Variants in MBD6 observed in about 807,000 individuals in gnomAD.
MBD6 encodes methyl-CpG binding domain protein 6.
A neutral mutation model predicts 66.8 loss-of-function variants in MBD6; 22 were observed. That is an observed-to-expected ratio of 0.33 (90% CI 0.24 to 0.47). MBD6 has a LOEUF of 0.47. MBD6 is among the 20% of genes least tolerant of loss of function. The pLI is 1.00. For synonymous variants in MBD6, 540 were observed against 534.6 expected (o/e 1.01, Z -0.14); for missense variants, 1,322 against 1,286.9 (o/e 1.03, Z -0.42).
At position 57,528,318 on chromosome 12, in the gene MBD6, A is replaced by G. The variant is rs767836639; in HGVS notation, c.2578A>G (p.Arg860Gly). The G allele has an allele frequency of 6.2e-7, 1 of 1,607,680 alleles. No homozygotes were observed. Among genetic ancestry groups the G allele is most frequent in the Non-Finnish European group, 8.5e-7 (1 of 1,176,890 alleles). ...TGRGSGKRGR[R>G]GGGGLRGING... Reference sequence around the variant, plus strand: ...GAGGGGGTCAGGGAAACGGGGCCGGAGGGGAGGAGGGGGACTTAGGGGCAT... The same window carrying G: ...GAGGGGGTCAGGGAAACGGGGCCGGGGGGGAGGAGGGGGACTTAGGGGCAT... The change falls in exon 10 of 13, where the codon AGG (arginine) becomes GGG (glycine). Residue 860 changes from arginine to glycine, a missense_variant. By Grantham distance (125) the Arg-to-Gly change is moderately radical (BLOSUM62 -2). Coordinates refer to ENST00000355673, the MANE Select transcript of MBD6 (RefSeq NM_052897.4).
rs1879316409 is a variant in MBD6, at chr12:57,529,019, TGTTTGGGTGGATGGG to T, written c.2937+11_2937+25del. On this transcript the variant is annotated intron_variant, in intron 12 of 12. Coordinates refer to ENST00000355673, the MANE Select transcript of MBD6 (RefSeq NM_052897.4). ...CAGCCCTACAGCCCGAGTAAGTGTG[TGTTTGGGTGGATGGG>T]TGGATGGGTAGGGTGTAAGGGATGA... is the stretch of plus-strand genomic sequence containing the variant. 1.2e-6 allele frequency: 2 copies of T among 1,613,682 alleles called. No individual in the cohort carries two copies. Among genetic ancestry groups the T allele is most frequent in the Middle Eastern group, 3.3e-4 (2 of 6,062 alleles).
Position 57,525,923 on chromosome 12 carries a change from C to T in MBD6, c.955C>T (p.Leu319Phe). 6.2e-7 allele frequency: 1 copy of T among 1,613,490 alleles called. No homozygotes were observed. Among genetic ancestry groups the T allele is most frequent in the Non-Finnish European group, 8.5e-7 (1 of 1,179,704 alleles). ...TVEGPGAPPF[L>F]ASSLLSAAAK... The stretch of plus-strand genomic sequence containing the variant: ...GGAGGGGCCTGGGGCACCCCCCTTC[C>T]TTGCTAGCAGCCTACTCTCTGCAGC... Residue 319 changes from leucine to phenylalanine, a missense_variant, in exon 6 of 13, where the codon CTT (leucine) becomes TTT (phenylalanine). Leu to Phe is a conservative substitution (Grantham distance 22). Coordinates refer to ENST00000355673, the MANE Select transcript of MBD6 (RefSeq NM_052897.4).
At chr12:57,530,659 T>G, downstream of MBD6, 1 of 1,565,264 alleles carries the variant, frequency 6.4e-7, no homozygotes, top group Non-Finnish European at 8.8e-7. Context: ...GGGGTAGGGA[T>G]AACCCCTGTT....
chr12:57,529,561 C>G lies in MBD6; in HGVS notation c.*327C>G. ...TTTATTTGTTTAAGTTATTTTTGCACAAATGACTCTTTTATATTTAATTCG... is the reference window on the plus strand; with the variant it reads ...TTTATTTGTTTAAGTTATTTTTGCAGAAATGACTCTTTTATATTTAATTCG... On this transcript the variant is annotated 3_prime_UTR_variant, in exon 13 of 13. Transcript: ENST00000355673. The G allele has an allele frequency of 3.8e-6, 1 of 263,048 alleles. No individual in the cohort carries two copies. The highest frequency in any genetic ancestry group is 7.1e-5 in the East Asian group (1 of 14,102). The allele number at this position is 263,048 out of a possible 1,614,324, so 16.3% of individuals were successfully genotyped here. A position where few individuals can be genotyped will look rare whatever the true frequency, so the allele number is the denominator to read the frequency against.
In MBD6 at chr12:57,525,908, G is replaced by A; in HGVS notation, c.940G>A (p.Gly314Arg). The change falls in exon 6 of 13, where the codon GGG (glycine) becomes AGG (arginine). Residue 314 changes from glycine (G) to arginine (R), a missense_variant. Coordinates refer to ENST00000355673, the MANE Select transcript of MBD6 (RefSeq NM_052897.4). ...AGGGGCCCCCACGGTGGAGGGGCCTGGGGCACCCCCCTTCCTTGCTAGCAG... is the reference window on the plus strand; with the variant it reads ...AGGGGCCCCCACGGTGGAGGGGCCTAGGGCACCCCCCTTCCTTGCTAGCAG... The part of the protein sequence containing the change: ...LGGAPTVEGP[G>R]APPFLASSLL... 2 of 1,612,806 alleles carry A rather than the reference G, an allele frequency of 1.2e-6. No homozygotes were observed. The highest frequency in any genetic ancestry group is 1.7e-6 in the Non-Finnish European group (2 of 1,179,312).
chr12:57,526,842 G>C lies in MBD6; in HGVS notation c.1697G>C (p.Gly566Ala), dbSNP rs757293657. 7.4e-6 allele frequency: 12 copies of C among 1,613,482 alleles called. No individual in the cohort carries two copies. In the Admixed American group the frequency reaches 1.3e-4, roughly 18 times the overall value. The change falls in exon 7 of 13, where the codon GGG (glycine) becomes GCG (alanine). Residue 566 changes from glycine (G) to alanine (A), a missense_variant. Physicochemically the swap from Gly to Ala is moderately conservative, Grantham distance 60 (BLOSUM62 0). Transcript: ENST00000355673. ...LNHSLFGVLTGGGGQPPPEPL... is the reference protein window; with the variant it reads ...LNHSLFGVLTAGGGQPPPEPL... Reference sequence around the variant, plus strand: ...CACAGTTTATTTGGTGTGCTGACTGGGGGAGGAGGACAACCTCCCCCTGAG... The same window carrying C: ...CACAGTTTATTTGGTGTGCTGACTGCGGGAGGAGGACAACCTCCCCCTGAG...
In MBD6 at chr12:57,525,034, C is replaced by A. The variant is rs751522817; in HGVS notation, c.298C>A (p.Leu100Met). ...GPASEEDMTK[L>M]CNHRRKAVAM... ...AGCATCAGAGGAGGACATGACCAAG[C>A]TGTGCAACCACCGGCGGAAAGCTGT... Residue 100 changes from leucine to methionine, a missense_variant, in exon 5 of 13, where the codon CTG (leucine) becomes ATG (methionine). Physicochemically the swap from Leu to Met is conservative, Grantham distance 15 (BLOSUM62 2). Coordinates refer to ENST00000355673, the MANE Select transcript of MBD6 (RefSeq NM_052897.4). The A allele has an allele frequency of 6.2e-7, 1 of 1,613,358 alleles. No homozygotes were observed. The highest frequency in any genetic ancestry group is 8.5e-7 in the Non-Finnish European group (1 of 1,179,798).
chr12:57,525,405 GCCCT>G lies in MBD6; in HGVS notation c.442_445del (p.Pro148ValfsTer30). The G allele has an allele frequency of 6.5e-7, 1 of 1,528,898 alleles. No homozygotes were observed. The highest frequency in any genetic ancestry group is 8.7e-7 in the Non-Finnish European group (1 of 1,143,968). 94.7% of individuals were successfully genotyped at this position (1,528,898 alleles called of 1,614,324 possible). A position where few individuals can be genotyped will look rare whatever the true frequency, so the allele number is the denominator to read the frequency against. ...GTGTCCCCAGGGCCCCCCTCTGCCC[GCCCT>G]CCCTGTCGAGTTCCTCCTACAACTC... On this transcript the variant is annotated frameshift_variant, in exon 6 of 13. Coordinates refer to ENST00000355673, the MANE Select transcript of MBD6 (RefSeq NM_052897.4). LOFTEE classifies it high-confidence loss of function.
chr12:57,526,737 G>T lies in MBD6; in HGVS notation c.1592G>T (p.Gly531Val), dbSNP rs201149080. Reference sequence around the variant, plus strand: ...CCTGAGCAGGGCCTGGCACTGAGTGGAGCTGGCTTCCCTGGGATGCTTGGG... The same window carrying T: ...CCTGAGCAGGGCCTGGCACTGAGTGTAGCTGGCTTCCCTGGGATGCTTGGG... ...PSPEQGLALS[G>V]AGFPGMLGAL... The change falls in exon 7 of 13, where the codon GGA (glycine) becomes GTA (valine). Residue 531 changes from glycine to valine, a missense_variant. Coordinates refer to ENST00000355673, the MANE Select transcript of MBD6 (RefSeq NM_052897.4). 2 of 1,574,800 alleles carry T rather than the reference G, an allele frequency of 1.3e-6. No individual in the cohort carries two copies. Among genetic ancestry groups the T allele is most frequent in the East Asian group, 4.5e-5 (2 of 44,478 alleles).
intron 10 of MBD6, 25 bp from the exon 11 acceptor site, chr12:57,528,641 A>G (rs1879261670): frequency 1.9e-6 from 3 of 1,613,728 alleles, no homozygotes; most frequent in Middle Eastern, 1.6e-4. Flanking sequence ...GAAATTTCCC[A>G]CACACATAGT....
At chr12:57,527,763 T>G in intron 8 of MBD6, 85 bp from the exon 9 acceptor site, 3 of 1,558,774 alleles carry the variant, frequency 1.9e-6, no homozygotes. Flanking sequence ...CTTTGGCCAC[T>G]GGATAAAGCC....
intron 11 of MBD6, 100 bp from the exon 12 acceptor site, chr12:57,528,846 A>AT: frequency 1.0e-5 from 16 of 1,601,886 alleles, no homozygotes; most frequent in Non-Finnish European, 1.3e-5. Flanking sequence ...TAAGGATATT[A>AT]TGCCTTTACT....
downstream of MBD6, chr12:57,530,834 G>T: frequency 7.4e-7 from 1 of 1,358,144 alleles, no homozygotes; most frequent in Non-Finnish European, 1.0e-6. Context: ...ACTGGATGAG[G>T]ACCTGAAGGA....
rs61741061 is a variant in MBD6, at chr12:57,524,792, C to T, written c.186C>T (p.Cys62=). 188 of 1,614,214 alleles carry T rather than the reference C, an allele frequency of 1.2e-4. No individual in the cohort carries two copies. In the African/African-American group the frequency reaches 1.8e-3, roughly 16 times the overall value. Residue 62 remains cysteine (C), a synonymous_variant, in exon 4 of 13, where the codon TGC becomes TGT. Transcript: ENST00000355673. ...TCCTCAGCGATGGGACCTGCAAGTG[C>T]GGTCTGGAGTGTCCACTTAATGTCC... ...SYLLSDGTCK[C]GLECPLNVPK...
chr12:57,525,789 C>T lies in MBD6; in HGVS notation c.821C>T (p.Pro274Leu), dbSNP rs146043476. The change falls in exon 6 of 13, where the codon CCG becomes CTG. Residue 274 changes from proline to leucine, a missense_variant. Physicochemically the swap from Pro to Leu is moderately conservative, Grantham distance 98 (BLOSUM62 -3). Transcript: ENST00000355673. ...GCCTTAACACCCCCTCCCCTGCCCC[C>T]GAGCAATAATCTCCCCGCCCACCCT... ...SDALTPPPLP[P>L]SNNLPAHPGP... 7.1e-5 allele frequency: 114 copies of T among 1,611,752 alleles called. No individual in the cohort carries two copies. The highest frequency in any genetic ancestry group is 9.5e-5 in the Non-Finnish European group (112 of 1,178,546).
intron 6 of MBD6, 51 bp downstream of exon 6, chr12:57,526,439 C>T: frequency 6.5e-7 from 1 of 1,530,638 alleles, no homozygotes; most frequent in Non-Finnish European, 8.8e-7. Flanking sequence ...AAGAGGCAGC[C>T]AAGGCATTTA....
Position 57,526,804 on chromosome 12 carries a change from T to G in MBD6, c.1659T>G (p.Ser553=). 3.1e-6 allele frequency: 5 copies of G among 1,611,026 alleles called. No homozygotes were observed. The highest frequency in any genetic ancestry group is 1.3e-5 in the African/African-American group (1 of 74,962). The part of the protein sequence containing the change: ...LPLSLGQPPP[S]PLLNHSLFGV... ...TGAGTCTGGGGCAGCCTCCACCTTCTCCATTGCTCAACCACAGTTTATTTG... is the reference window on the plus strand; with the variant it reads ...TGAGTCTGGGGCAGCCTCCACCTTCGCCATTGCTCAACCACAGTTTATTTG... The change falls in exon 7 of 13, where the codon TCT becomes TCG. Residue 553 remains serine, a synonymous_variant. Transcript: ENST00000355673.
At chr12:57,522,297 AGAGGTCATGTGACTTGACAGGCT>A (rs1235051344), upstream of MBD6, among the ~76,000 whole-genome samples, 7 of 152,310 alleles carry the variant, frequency 4.6e-5, no homozygotes, top group Admixed American at 6.5e-5. Flanking sequence ...AGTGACAGGC[AGAGGTCATGTGACTTGACAGGCT>A]GAGGTCGTGT....
In MBD6 at chr12:57,525,881, G is replaced by C. The variant is rs752364058; in HGVS notation, c.913G>C (p.Gly305Arg). ...MHLPLVLGPL[G>R]GAPTVEGPGA... is the part of the protein sequence containing the mutation. Reference sequence around the variant, plus strand: ...CCTGCCCCTGGTCCTGGGGCCCCTGGGAGGGGCCCCCACGGTGGAGGGGCC... The same window carrying C: ...CCTGCCCCTGGTCCTGGGGCCCCTGCGAGGGGCCCCCACGGTGGAGGGGCC... The change falls in exon 6 of 13, where the codon GGA becomes CGA. Residue 305 changes from glycine to arginine, a missense_variant. By Grantham distance (125) the Gly-to-Arg change is moderately radical (BLOSUM62 -2). Coordinates refer to ENST00000355673, the MANE Select transcript of MBD6 (RefSeq NM_052897.4). 8.7e-6 allele frequency: 14 copies of C among 1,612,186 alleles called. No homozygotes were observed. The South Asian group carries it at 1.5e-4, about 18-fold the overall frequency.
Sources: allele counts gnomAD v4.1 joint callset (sites outside exome capture counted in the v4.1 genomes callset), GRCh38; gene constraint gnomAD v4.1.1; transcripts MANE v1.5; gene names NCBI Gene and HGNC (gene_info 2026-07-23, HGNC 2026-07-21).